Variants in ARMH4 observed in about 807,000 individuals in gnomAD.
ARMH4 encodes the protein armadillo like helical domain containing 4.
In ARMH4, 49 loss-of-function variants were observed where a neutral mutation model predicts 61.9. The ratio of observed to expected loss-of-function variants is 0.79; its 90% CI spans 0.63 to 1.00. ARMH4 has a LOEUF of 1.00. Among genes scored for constraint, ARMH4 ranks in the 50% least tolerant of loss-of-function variants. The pLI, the probability that ARMH4 is intolerant of heterozygous loss-of-function variation, is 0.00. For missense variants in ARMH4, 934 were observed against 930.0 expected (o/e 1.00, Z -0.06); for synonymous variants, 368 against 341.5 (o/e 1.08, Z -0.85).
At chr14:58,054,727 A>C (rs178481) in intron 5 of ARMH4, among the ~76,000 whole-genome samples, 43,332 of 151,868 alleles carry the variant, frequency 0.29, 8,589 homozygotes, top group East Asian at 0.64. Context: ...GTGAAACCCT[A>C]TCTCTACTAA....
At chr14:58,105,759 C>T (rs982187455) in intron 4 of ARMH4, among the ~76,000 whole-genome samples, 2 of 151,656 alleles carry the variant, frequency 1.3e-5, no homozygotes, top group African/African-American at 4.8e-5. Flanking sequence ...AGAAACATGT[C>T]CTATGTCAAT....
intron 5 of ARMH4, among the ~76,000 whole-genome samples, chr14:58,065,591 T>A (rs946388210): frequency 2.0e-5 from 3 of 152,242 alleles, no homozygotes; most frequent in Non-Finnish European, 4.4e-5. Context: ...ACCAGCTCCA[T>A]GAAGAGATGA....
intron 4 of ARMH4, among the ~76,000 whole-genome samples, chr14:58,107,130 C>T (rs1886188858): frequency 6.6e-6 from 1 of 152,176 alleles, no homozygotes; most frequent in South Asian, 2.1e-4. Context: ...GCATTTTTAT[C>T]ACAGCTTTGA....
intron 5 of ARMH4, among the ~76,000 whole-genome samples, chr14:58,064,360 T>C (rs1487498946): frequency 6.6e-6 from 1 of 152,214 alleles, no homozygotes; most frequent in Non-Finnish European, 1.5e-5. Flanking sequence ...CTTTGCTATT[T>C]AAATTCACAA....
chr14:58,123,372 A>C (rs1470167377), intron 4 of ARMH4, among the ~76,000 whole-genome samples: 2 of 152,176 alleles, frequency 1.3e-5, no homozygotes, highest in Non-Finnish European at 2.9e-5. Flanking sequence ...TCCCTACCAA[A>C]GGCAGTACCC....
At chr14:58,044,600 C>T (rs1472815647) in intron 5 of ARMH4, among the ~76,000 whole-genome samples, 1 of 152,090 alleles carries the variant, frequency 6.6e-6, no homozygotes, top group Non-Finnish European at 1.5e-5. Flanking sequence ...ACAACAAAAG[C>T]CAAAATTGAC....
chr14:58,072,447 G>A (rs1375139375), intron 5 of ARMH4, among the ~76,000 whole-genome samples: 4 of 152,034 alleles, frequency 2.6e-5, no homozygotes, highest in Non-Finnish European at 4.4e-5. Flanking sequence ...GGCCGGGCAC[G>A]GTGGCTTATG....
At position 58,138,499 on chromosome 14, in the gene ARMH4, G is replaced by C. The variant is rs771174082; in HGVS notation, c.860C>G (p.Thr287Ser). 14 of 1,614,264 alleles carry C rather than the reference G, an allele frequency of 8.7e-6. No individual in the cohort carries two copies. Among genetic ancestry groups the C allele is most frequent in the Non-Finnish European group, 1.2e-5 (14 of 1,180,040 alleles). The change falls in exon 2 of 8, where the codon ACT becomes AGT. Residue 287 changes from threonine (T) to serine (S), a missense_variant. By Grantham distance (58) the Thr-to-Ser change is moderately conservative (BLOSUM62 1). Coordinates refer to ENST00000267485, the MANE Select transcript of ARMH4 (RefSeq NM_001001872.4). ...TTCTGGGGCTCCCAGCAGACTATCA[G>C]TTTCTGGCTCAACACTCAGGGTGTA... ...SEYTLSVEPE[T>S]DSLLGAPEVT... is the part of the protein sequence containing the mutation.
chr14:58,063,486 T>C (rs1375449581), intron 5 of ARMH4, among the ~76,000 whole-genome samples: 1 of 152,136 alleles, frequency 6.6e-6, no homozygotes, highest in African/African-American at 2.4e-5. Flanking sequence ...GGAAAGAAGA[T>C]TCATGTGTTC....
At chr14:58,146,258 C>G (rs565626554) in intron 1 of ARMH4, among the ~76,000 whole-genome samples, 39 of 152,342 alleles carry the variant, frequency 2.6e-4, no homozygotes, top group African/African-American at 8.2e-4. Context: ...TATTAGAATT[C>G]TGTGTCTTAA....
chr14:58,067,330 G>C (rs931276375), intron 5 of ARMH4, among the ~76,000 whole-genome samples: 5 of 152,176 alleles, frequency 3.3e-5, no homozygotes, highest in African/African-American at 9.7e-5. Context: ...AATAAACAAA[G>C]TGTCTGCCCT....
chr14:58,121,209 C>T (rs1372020060), intron 4 of ARMH4, among the ~76,000 whole-genome samples: 1 of 152,184 alleles, frequency 6.6e-6, no homozygotes, highest in East Asian at 1.9e-4. Flanking sequence ...CAAATAAATA[C>T]TTGTTAAATG....
In ARMH4 at chr14:58,133,114, A is replaced by C. The variant is rs1887176330; in HGVS notation, c.1597T>G (p.Phe533Val). Residue 533 changes from phenylalanine (F) to valine (V), a missense_variant, in exon 3 of 8, where the codon TTT (phenylalanine) becomes GTT (valine). Physicochemically the swap from Phe to Val is conservative, Grantham distance 50. Coordinates refer to ENST00000267485, the MANE Select transcript of ARMH4 (RefSeq NM_001001872.4). Reference sequence around the variant, plus strand: ...CCTTCCACAGTGGGAGTAACTTCAAAAGACAAAGGGACGACTGTAGTTGAA... The same window carrying C: ...CCTTCCACAGTGGGAGTAACTTCAACAGACAAAGGGACGACTGTAGTTGAA... ...TISTTVVPLS[F>V]EVTPTVEEQM... is the part of the protein sequence containing the mutation. The C allele has an allele frequency of 6.2e-7, 1 of 1,614,186 alleles. No homozygotes were observed. Among genetic ancestry groups the C allele is most frequent in the Non-Finnish European group, 8.5e-7 (1 of 1,180,046 alleles).
chr14:58,126,802 ATTT>A (rs34763780), intron 4 of ARMH4, among the ~76,000 whole-genome samples: 3 of 137,264 alleles, frequency 2.2e-5, no homozygotes, highest in Admixed American at 7.4e-5. Flanking sequence ...TCTCCATTGG[ATTT>A]TTTTTTTTTT....
chr14:58,128,699 C>T (rs1886984544), intron 4 of ARMH4, among the ~76,000 whole-genome samples: 1 of 152,232 alleles, frequency 6.6e-6, no homozygotes, highest in Admixed American at 6.5e-5. Context: ...ACTTCTCCCA[C>T]TCTACCAATT....
chr14:58,037,036 A>T (rs1883508878), intron 5 of ARMH4, among the ~76,000 whole-genome samples: 1 of 86,786 alleles, frequency 1.2e-5, no homozygotes, highest in Admixed American at 1.1e-4. Flanking sequence ...TCTTCACAGA[A>T]TTGGAAAAAA....
chr14:58,056,572 T>C (rs911913582), intron 5 of ARMH4, among the ~76,000 whole-genome samples: 2 of 152,212 alleles, frequency 1.3e-5, no homozygotes, highest in African/African-American at 4.8e-5. Context: ...AGAAGAAATC[T>C]TGGAGATGAG....
Position 58,022,826 on chromosome 14 carries a change from T to G in ARMH4, c.2090-10676A>C, listed in dbSNP as rs1003498565. Among the ~76,000 whole-genome samples the G allele has an allele frequency of 5.3e-5, 8 of 152,322 alleles. No individual in the cohort carries two copies. The South Asian group carries it at 1.2e-3, about 24-fold the overall frequency. Reference sequence around the variant, plus strand: ...AACCACAGACATACCTTGGAGATATTGTAGGTTCAGTCCCAGACCACCATC... The same window carrying G: ...AACCACAGACATACCTTGGAGATATGGTAGGTTCAGTCCCAGACCACCATC... On this transcript the variant is annotated intron_variant, in intron 5 of 7. Transcript: ENST00000267485.
chr14:58,053,855 T>C (rs1775625301), intron 5 of ARMH4, among the ~76,000 whole-genome samples: 1 of 152,192 alleles, frequency 6.6e-6, no homozygotes, highest in Non-Finnish European at 1.5e-5. Flanking sequence ...CCCCATTCCG[T>C]AGTGACAACC....
Sources: gnomAD v4.1 joint callset for allele counts (sites outside exome capture counted in the v4.1 genomes callset) on GRCh38, gnomAD v4.1.1 for gene constraint, MANE v1.5 for transcripts, NCBI Gene and HGNC (gene_info 2026-07-23, HGNC 2026-07-21) for gene names.